RALA: variants seen among roughly 807,000 people sequenced by gnomAD.
RALA encodes RAS like proto-oncogene A, also known as ras-related protein Ral-A.
RALA carries 5 observed loss-of-function variants against 24.0 expected under a neutral mutation model. The ratio of observed to expected loss-of-function variants is 0.21; its 90% CI spans 0.11 to 0.44. The LOEUF (loss-of-function observed/expected upper bound fraction) is 0.44, where lower values mean the gene tolerates loss of function less well. Among genes scored for constraint, RALA ranks in the 20% least tolerant of loss-of-function variants. The pLI is 0.99. For missense variants in RALA, 95 were observed against 241.2 expected (o/e 0.39, Z 4.01); for synonymous variants, 77 against 83.8 (o/e 0.92, Z 0.44).
intron 2 of RALA, among the ~76,000 whole-genome samples, chr7:39,688,960 G>GGA (rs994968378): frequency 6.6e-6 from 1 of 152,022 alleles, no homozygotes; most frequent in Non-Finnish European, 1.5e-5. Context: ...GACAGGGGAG[G>GGA]GAGAGAGAGA....
chr7:39,633,999 A>T (rs764747084), intron 1 of RALA, among the ~76,000 whole-genome samples: 3 of 152,002 alleles, frequency 2.0e-5, no homozygotes, highest in Non-Finnish European at 2.9e-5. Flanking sequence ...CCCTGTGTGA[A>T]CTCTCAGACC....
intron 1 of RALA, among the ~76,000 whole-genome samples, chr7:39,645,224 A>G (rs1001318266): frequency 1.3e-5 from 2 of 152,176 alleles, no homozygotes. Context: ...AATTCTTGGG[A>G]CAAGGGTAAA....
intron 1 of RALA, 180 bp downstream of exon 1, chr7:39,624,005 C>G (rs1791426942): frequency 6.6e-6 from 1 of 152,232 alleles, no homozygotes; most frequent in African/African-American, 2.4e-5. Flanking sequence ...TCCGGGGCAC[C>G]GCGTTCGCCG....
chr7:39,698,955 C>G (rs1792967693), intron 4 of RALA, among the ~76,000 whole-genome samples: 1 of 151,874 alleles, frequency 6.6e-6, no homozygotes, highest in Non-Finnish European at 1.5e-5. Flanking sequence ...AGTGGAATGT[C>G]CTTTTTTTAC....
At chr7:39,651,742 A>G (rs139330105) in intron 1 of RALA, among the ~76,000 whole-genome samples, 6 of 152,292 alleles carry the variant, frequency 3.9e-5, no homozygotes, top group Admixed American at 2.0e-4. Flanking sequence ...GTAGTAATAC[A>G]TATCTGTTCA....
chr7:39,674,052 AATAAATAAAT>A (rs1562618728), intron 1 of RALA, among the ~76,000 whole-genome samples: 5 of 112,076 alleles, frequency 4.5e-5, no homozygotes, highest in South Asian at 5.7e-4. Flanking sequence ...TAAATAAATA[AATAAATAAAT>A]AAATAAATAA....
chr7:39,683,526 A>T lies in RALA; in HGVS notation c.-37-3105A>T, dbSNP rs561709171. Reference sequence around the variant, plus strand: ...TGTATGTGTTTGTCTTAAGTTCCACATAGGCAGGGGCTATGGCTTGTTTAT... The same window carrying T: ...TGTATGTGTTTGTCTTAAGTTCCACTTAGGCAGGGGCTATGGCTTGTTTAT... On this transcript the variant is annotated intron_variant, in intron 1 of 4. Transcript: ENST00000005257. Among the ~76,000 whole-genome samples, 14 of 152,296 alleles carry T rather than the reference A, an allele frequency of 9.2e-5. No homozygotes were observed. The South Asian group carries it at 2.7e-3, about 29-fold the overall frequency.
chr7:39,659,760 C>T (rs1792156011), intron 1 of RALA, among the ~76,000 whole-genome samples: 1 of 152,294 alleles, frequency 6.6e-6, no homozygotes, highest in East Asian at 1.9e-4. Context: ...GAAAGGAGTA[C>T]TAAAGCCCAG....
At chr7:39,681,422 G>A (rs752145616) in intron 1 of RALA, among the ~76,000 whole-genome samples, 1 of 142,018 alleles carries the variant, frequency 7.0e-6, no homozygotes, top group African/African-American at 2.7e-5. Flanking sequence ...GGGTTCAGGC[G>A]ATTCTCATGC....
In RALA at chr7:39,706,677, C is replaced by G. The variant is rs1177946675; in HGVS notation, c.*432C>G. ...AATTGTGAACATGATAGTTAAACTACCACTTTTTTTAACCATTATTATGCA... is the reference window on the plus strand; with the variant it reads ...AATTGTGAACATGATAGTTAAACTAGCACTTTTTTTAACCATTATTATGCA... On this transcript the variant is annotated 3_prime_UTR_variant, in exon 5 of 5. Coordinates refer to ENST00000005257, the MANE Select transcript of RALA (RefSeq NM_005402.4). The G allele has an allele frequency of 1.3e-5, 2 of 152,664 alleles. No individual in the cohort carries two copies. Among genetic ancestry groups the G allele is most frequent in the African/African-American group, 4.8e-5 (2 of 41,412 alleles). 9.5% of individuals were successfully genotyped at this position (152,664 alleles called of 1,614,324 possible).
At chr7:39,673,380 T>A (rs1792422758) in intron 1 of RALA, among the ~76,000 whole-genome samples, 1 of 152,166 alleles carries the variant, frequency 6.6e-6, no homozygotes, top group Non-Finnish European at 1.5e-5. Context: ...CAAAATACAC[T>A]CTTTATGTCT....
intron 1 of RALA, among the ~76,000 whole-genome samples, chr7:39,661,145 G>A (rs1562614840): frequency 1.3e-5 from 2 of 152,128 alleles, no homozygotes; most frequent in Non-Finnish European, 2.9e-5. Context: ...TAGTATGGGG[G>A]AAACTGCCCC....
intron 1 of RALA, among the ~76,000 whole-genome samples, chr7:39,659,738 T>C (rs942799938): frequency 1.3e-5 from 2 of 152,206 alleles, no homozygotes; most frequent in Non-Finnish European, 2.9e-5. Flanking sequence ...TGTTAATTCA[T>C]TGGCCACTGC....
At chr7:39,699,372 C>A (rs904776168) in intron 4 of RALA, among the ~76,000 whole-genome samples, 1 of 151,572 alleles carries the variant, frequency 6.6e-6, no homozygotes, top group Admixed American at 6.6e-5. Flanking sequence ...GATCTCCTGA[C>A]CTCATGATCC....
At chr7:39,694,924 G>A (rs555906304) in intron 3 of RALA, among the ~76,000 whole-genome samples, 6 of 151,764 alleles carry the variant, frequency 4.0e-5, no homozygotes, top group African/African-American at 9.7e-5. Context: ...GTGTGGTGGC[G>A]CGTGCCTATA....
At chr7:39,661,533 A>G (rs769713400) in intron 1 of RALA, among the ~76,000 whole-genome samples, 4 of 152,220 alleles carry the variant, frequency 2.6e-5, no homozygotes, top group Non-Finnish European at 5.9e-5. Flanking sequence ...CAAAGGCCCT[A>G]TGCAAGTCCA....
At chr7:39,698,136 CAGAG>C (rs148570662) in intron 4 of RALA, among the ~76,000 whole-genome samples, 3 of 151,904 alleles carry the variant, frequency 2.0e-5, no homozygotes, top group African/African-American at 7.3e-5. Flanking sequence ...CCTCACATGA[CAGAG>C]AGAGAGAGAT....
In RALA at chr7:39,698,201, C is replaced by G. The variant is rs145645437; in HGVS notation, c.498+1342C>G. On this transcript the variant is annotated intron_variant, in intron 4 of 4. Transcript: ENST00000005257. ...CTAATTCCATTATGACAACCCTACC[C>G]TAGTGACGTAATTACGACCCAAAGG... is the stretch of plus-strand genomic sequence containing the variant. Among the ~76,000 whole-genome samples the G allele has an allele frequency of 2.5e-3, 379 of 152,210 alleles. 2 individuals are homozygous for G. The highest frequency in any genetic ancestry group is 8.9e-3 in the African/African-American group (368 of 41,512).
At chr7:39,687,398 GC>G (rs1792725500) in intron 2 of RALA, among the ~76,000 whole-genome samples, 1 of 151,466 alleles carries the variant, frequency 6.6e-6, no homozygotes, top group African/African-American at 2.4e-5. Flanking sequence ...CTGCACTCCA[GC>G]CTGGGCGACA....
Sources: allele counts gnomAD v4.1 joint callset (sites outside exome capture counted in the v4.1 genomes callset), GRCh38; gene constraint gnomAD v4.1.1; transcripts MANE v1.5; gene names NCBI Gene and HGNC (gene_info 2026-07-23, HGNC 2026-07-21).